Variants in RPH3A observed in about 807,000 individuals in gnomAD.
RPH3A encodes the protein rabphilin-3A.
A neutral mutation model predicts 102.2 loss-of-function variants in RPH3A; 48 were observed. The ratio of observed to expected loss-of-function variants is 0.47; its 90% CI spans 0.37 to 0.60. RPH3A has a LOEUF of 0.60. RPH3A is among the 20% of genes least tolerant of loss of function. The pLI, the probability that RPH3A is intolerant of heterozygous loss-of-function variation, is 0.00. For synonymous variants in RPH3A, 310 were observed against 324.3 expected (o/e 0.96, Z 0.47); for missense variants, 781 against 910.1 (o/e 0.86, Z 1.83).
chr12:112,728,697 C>T (rs1278517476), intron 1 of RPH3A, among the ~76,000 whole-genome samples: 4 of 152,084 alleles, frequency 2.6e-5, no homozygotes, highest in Non-Finnish European at 5.9e-5. Flanking sequence ...TGGTGTCATA[C>T]ACCAAACAAA....
rs1041753193 is a variant in RPH3A at position 112,898,304 on chromosome 12, G to A, written c.*1524G>A. The A allele has an allele frequency of 6.6e-6, 1 of 152,206 alleles. No individual in the cohort carries two copies. Among genetic ancestry groups the A allele is most frequent in the African/African-American group, 2.4e-5 (1 of 41,452 alleles). The allele number at this position is 152,206 out of a possible 1,614,324, so 9.4% of individuals were successfully genotyped here. On this transcript the variant is annotated 3_prime_UTR_variant, in exon 22 of 22. Transcript: ENST00000389385. ...TCAGGCAATCTTCAATGCCCTGTGA[G>A]AAAGGTTCGATTTTCCCAATTTTGA...
intron 1 of RPH3A, among the ~76,000 whole-genome samples, chr12:112,727,504 C>CACA (rs532273987): frequency 1.2e-4 from 10 of 80,920 alleles, no homozygotes; most frequent in African/African-American, 5.0e-4. Context: ...CCCCCCCCCC[C>CACA]CACACACATA....
chr12:112,716,493 G>A (rs1397415048), intron 1 of RPH3A, among the ~76,000 whole-genome samples: 1 of 152,226 alleles, frequency 6.6e-6, no homozygotes, highest in Non-Finnish European at 1.5e-5. Flanking sequence ...CTAGATACAG[G>A]AGGATGGATG....
intron 1 of RPH3A, among the ~76,000 whole-genome samples, chr12:112,612,061 G>A (rs1214209846): frequency 2.0e-5 from 3 of 152,182 alleles, no homozygotes; most frequent in African/African-American, 7.2e-5. Flanking sequence ...AAAGACTCCA[G>A]TGAAGAAATA....
At chr12:112,708,603 C>T (rs756262287) in intron 1 of RPH3A, among the ~76,000 whole-genome samples, 5 of 152,094 alleles carry the variant, frequency 3.3e-5, no homozygotes, top group Non-Finnish European at 4.4e-5. Flanking sequence ...AGAGGGACAC[C>T]GAGTGACATC....
intron 1 of RPH3A, among the ~76,000 whole-genome samples, chr12:112,672,038 T>TA (rs2040135594): frequency 6.7e-6 from 1 of 148,512 alleles, no homozygotes; most frequent in South Asian, 2.1e-4. Context: ...ATATATATAT[T>TA]TATATATATA....
At chr12:112,833,623 C>T (rs1473152846) in intron 3 of RPH3A, among the ~76,000 whole-genome samples, 1 of 81,876 alleles carries the variant, frequency 1.2e-5, no homozygotes, top group East Asian at 2.1e-4. Flanking sequence ...GTTCTGGATT[C>T]AGTTTGCTGG....
intron 1 of RPH3A, among the ~76,000 whole-genome samples, chr12:112,772,312 A>G (rs1226319865): frequency 6.6e-6 from 1 of 152,176 alleles, no homozygotes; most frequent in East Asian, 1.9e-4. Context: ...AGGGGGCACT[A>G]TTTACATTTA....
chr12:112,595,993 A>T (rs961360976), intron 1 of RPH3A, among the ~76,000 whole-genome samples: 4 of 152,180 alleles, frequency 2.6e-5, no homozygotes, highest in Non-Finnish European at 5.9e-5. Context: ...AGCTCCATAG[A>T]CCATGACACA....
chr12:112,670,841 C>T (rs1030834946), intron 1 of RPH3A, among the ~76,000 whole-genome samples: 4 of 152,174 alleles, frequency 2.6e-5, no homozygotes, highest in African/African-American at 7.2e-5. Context: ...ACTTTCATGA[C>T]ACTTCAGTGG....
chr12:112,735,158 C>G (rs771808908), intron 1 of RPH3A, among the ~76,000 whole-genome samples: 6 of 152,164 alleles, frequency 3.9e-5, no homozygotes, highest in African/African-American at 1.2e-4. Context: ...ATAACAGCCT[C>G]GGGAAAATCG....
At chr12:112,658,876 A>G (rs1033580930) in intron 1 of RPH3A, among the ~76,000 whole-genome samples, 5 of 152,178 alleles carry the variant, frequency 3.3e-5, no homozygotes, top group Non-Finnish European at 7.3e-5. Flanking sequence ...ACGGCGCCTC[A>G]TGGTCCATCT....
intron 1 of RPH3A, among the ~76,000 whole-genome samples, chr12:112,646,419 C>A (rs2039931054): frequency 6.6e-6 from 1 of 152,114 alleles, no homozygotes. Context: ...CGTTTGTGTG[C>A]CTCTTTTTAA....
intron 1 of RPH3A, among the ~76,000 whole-genome samples, chr12:112,781,754 A>G (rs2041010352): frequency 6.6e-6 from 1 of 152,234 alleles, no homozygotes. Flanking sequence ...GTGCCAGGCT[A>G]TCATGTTAGA....
intron 21 of RPH3A, among the ~76,000 whole-genome samples, chr12:112,896,160 C>T (rs1444819041): frequency 1.3e-5 from 2 of 152,132 alleles, no homozygotes; most frequent in Non-Finnish European, 2.9e-5. Flanking sequence ...CAAAAGAATT[C>T]TTAATTTATT....
intron 1 of RPH3A, among the ~76,000 whole-genome samples, chr12:112,740,758 G>C (rs2040703369): frequency 6.6e-6 from 1 of 152,168 alleles, no homozygotes; most frequent in Non-Finnish European, 1.5e-5. Flanking sequence ...CAGCAATTCA[G>C]GCGCGGAGTT....
In RPH3A at chr12:112,678,269, GAAA is replaced by G. The variant is rs2040196886; in HGVS notation, c.-140+102951_-140+102953del. Among the ~76,000 whole-genome samples the G allele has an allele frequency of 1.3e-4, 9 of 70,620 alleles. 1 individual carries two copies. The highest frequency in any genetic ancestry group is 1.0e-3 in the Admixed American group (8 of 7,964). 46.3% of individuals were successfully genotyped at this position (70,620 alleles called of 152,430 possible). A position where few individuals can be genotyped will look rare whatever the true frequency, so the allele number is the denominator to read the frequency against. On this transcript the variant is annotated intron_variant, in intron 1 of 21. Coordinates refer to the RPH3A transcript ENST00000543106. ...AGAAAGAAAGAAAGAAAGAAAGAAA[GAAA>G]GAAAGAAAGAAAGAAAGAAAGAAAG... is the stretch of plus-strand genomic sequence containing the variant.
intron 4 of RPH3A, among the ~76,000 whole-genome samples, chr12:112,843,615 T>A (rs2042183056): frequency 6.6e-6 from 1 of 152,048 alleles, no homozygotes; most frequent in Admixed American, 6.5e-5. Flanking sequence ...TGACTTTAGG[T>A]CAGGCTGGCT....
Position 112,578,244 on chromosome 12 carries a change from T to G in RPH3A, c.-140+2925T>G, listed in dbSNP as rs567198928. On this transcript the variant is annotated intron_variant, in intron 1 of 21. Coordinates refer to the RPH3A transcript ENST00000543106. ...AAAGGTAACAGGGTTTCTCGCAGCA[T>G]GACCCCAGCAATAGTGGCTGTCTGT... is the stretch of plus-strand genomic sequence containing the variant. Among the ~76,000 whole-genome samples the G allele has an allele frequency of 2.8e-4, 43 of 152,274 alleles. 1 individual carries two copies. Among genetic ancestry groups the G allele is most frequent in the African/African-American group, 9.9e-4 (41 of 41,548 alleles).
Sources: gnomAD v4.1 joint callset for allele counts (sites outside exome capture counted in the v4.1 genomes callset) on GRCh38, gnomAD v4.1.1 for gene constraint, MANE v1.5 for transcripts, NCBI Gene and HGNC (gene_info 2026-07-23, HGNC 2026-07-21) for gene names.